The following KIF26B variants were observed in gnomAD, a reference collection of about 807,000 sequenced individuals.
KIF26B encodes the protein kinesin family member 26B, also known as kinesin-like protein KIF26B.
A neutral mutation model predicts 151.2 loss-of-function variants in KIF26B; 63 were observed. The ratio of observed to expected loss-of-function variants is 0.42; its 90% CI spans 0.34 to 0.51. The LOEUF is 0.51. KIF26B is among the 20% of genes least tolerant of loss of function. The probability of loss-of-function intolerance (pLI) is 0.07; values close to 1 mark genes in which losing one functional copy is unlikely to be tolerated. For synonymous variants in KIF26B, 1,357 were observed against 1,262.1 expected (o/e 1.08, Z -1.59); for missense variants, 2,813 against 2,913.6 (o/e 0.97, Z 0.79).
intron 3 of KIF26B, among the ~76,000 whole-genome samples, chr1:245,405,472 A>T (rs1022828192): frequency 3.3e-5 from 5 of 152,174 alleles, no homozygotes; most frequent in Admixed American, 3.3e-4. Flanking sequence ...TGCAACTAGG[A>T]TGCAGAGAGG....
chr1:245,331,186 G>A (rs753865313), intron 2 of KIF26B, among the ~76,000 whole-genome samples: 4 of 152,038 alleles, frequency 2.6e-5, no homozygotes, highest in African/African-American at 9.7e-5. Flanking sequence ...TTCTCATTCC[G>A]CGCGAGTGAC....
In KIF26B at chr1:245,253,393, G is replaced by T. The variant is rs1670478479; in HGVS notation, c.465+96710G>T. ...ATATTATTTGCATCAAAGATGCTTT[G>T]GTCATTATTATTATTTTAAAATATA... is the stretch of plus-strand genomic sequence containing the variant. On this transcript the variant is annotated intron_variant, in intron 2 of 14. Transcript: ENST00000407071. Among the ~76,000 whole-genome samples the T allele has an allele frequency of 3.9e-5, 6 of 151,998 alleles. No individual in the cohort carries two copies. The South Asian group carries it at 1.2e-3, about 32-fold the overall frequency.
chr1:245,254,101 C>T (rs950105031), intron 2 of KIF26B, among the ~76,000 whole-genome samples: 1 of 152,164 alleles, frequency 6.6e-6, no homozygotes, highest in South Asian at 2.1e-4. Context: ...TGAGCCACTG[C>T]ACCCAGCTGA....
intron 3 of KIF26B, among the ~76,000 whole-genome samples, chr1:245,374,385 A>C (rs1673223006): frequency 6.6e-6 from 1 of 151,684 alleles, no homozygotes; most frequent in Admixed American, 6.6e-5. Context: ...GTGTTCTAGT[A>C]TGGCTGATGT....
chr1:245,499,715 T>C (rs1200284529), intron 4 of KIF26B, among the ~76,000 whole-genome samples: 1 of 152,230 alleles, frequency 6.6e-6, no homozygotes, highest in African/African-American at 2.4e-5. Flanking sequence ...AGCTCAGTAG[T>C]GCGCATGGCA....
chr1:245,276,490 C>T (rs1013229813), intron 2 of KIF26B, among the ~76,000 whole-genome samples: 1 of 152,178 alleles, frequency 6.6e-6, no homozygotes, highest in African/African-American at 2.4e-5. Flanking sequence ...CTGATCTAAA[C>T]CATTTCCTTT....
At chr1:245,675,201 C>G (rs759988326) in intron 10 of KIF26B, among the ~76,000 whole-genome samples, 5 of 152,190 alleles carry the variant, frequency 3.3e-5, no homozygotes, top group Non-Finnish European at 2.9e-5. Flanking sequence ...TGATGGTACA[C>G]GTGGAGCACT....
chr1:245,476,527 T>TTTAC (rs140608728), intron 4 of KIF26B, among the ~76,000 whole-genome samples: 5 of 127,872 alleles, frequency 3.9e-5, no homozygotes, highest in African/African-American at 1.3e-4. Flanking sequence ...TATTTATTTA[T>TTTAC]TTACTTACTT....
intron 5 of KIF26B, among the ~76,000 whole-genome samples, chr1:245,552,890 G>A (rs10924238): frequency 0.33 from 49,795 of 151,954 alleles, 8,633 homozygotes; most frequent in Non-Finnish European, 0.38. Flanking sequence ...GTGAGCCACC[G>A]CACACAGCCT....
chr1:245,521,675 C>CT (rs1036013675), intron 4 of KIF26B, among the ~76,000 whole-genome samples: 1 of 152,122 alleles, frequency 6.6e-6, no homozygotes, highest in Non-Finnish European at 1.5e-5. Flanking sequence ...TGAGCCAGTT[C>CT]TGACCATCCA....
At chr1:245,551,144 C>T (rs1379175397) in intron 5 of KIF26B, among the ~76,000 whole-genome samples, 2 of 152,184 alleles carry the variant, frequency 1.3e-5, no homozygotes, top group Non-Finnish European at 2.9e-5. Context: ...TTCCTGAGCT[C>T]AGGGGATCCT....
intron 2 of KIF26B, among the ~76,000 whole-genome samples, chr1:245,281,781 A>G (rs1388136375): frequency 3.3e-5 from 5 of 152,054 alleles, no homozygotes; most frequent in Non-Finnish European, 7.4e-5. Context: ...TTGATTTTTT[A>G]TAAGGTGTAA....
rs1671788107 is a variant in KIF26B, at chr1:245,316,847, A to ACG, written c.466-49987_466-49986insCG. Among the ~76,000 whole-genome samples the ACG allele has an allele frequency of 5.3e-5, 8 of 151,514 alleles. No homozygotes were observed. The South Asian group carries it at 1.7e-3, about 32-fold the overall frequency. ...CCAGAACTAGTTCAAGGACCCTCAC[A>ACG]ATCACCTTCAAGGGACAAAAACCTG... is the stretch of plus-strand genomic sequence containing the variant. On this transcript the variant is annotated intron_variant, in intron 2 of 14. Transcript: ENST00000407071.
Position 245,609,419 on chromosome 1 carries a change from G to A in KIF26B, c.1805G>A (p.Gly602Glu), listed in dbSNP as rs774385350. 8.6e-5 allele frequency: 139 copies of A among 1,608,998 alleles called. No homozygotes were observed. The highest frequency in any genetic ancestry group is 1.2e-4 in the Non-Finnish European group (137 of 1,177,848). ...SVRVSAVEVW[G>E]KEENLRDLLS... Reference sequence around the variant, plus strand: ...CGGGTTTCCGCCGTGGAAGTGTGGGGGAAGGAGGAGAACCTGCGGGACCTG... The same window carrying A: ...CGGGTTTCCGCCGTGGAAGTGTGGGAGAAGGAGGAGAACCTGCGGGACCTG... The change falls in exon 8 of 15, where the codon GGG (glycine) becomes GAG (glutamate). Residue 602 changes from glycine to glutamate, a missense_variant. Physicochemically the swap from Gly to Glu is moderately conservative, Grantham distance 98 (BLOSUM62 -2). Around this residue, in one of 3 missense-constraint regions of KIF26B, gnomAD observed 77 missense variants for 136.9 expected, o/e 0.56. Transcript: ENST00000407071.
At chr1:245,159,858 T>C (rs1668504845) in intron 2 of KIF26B, among the ~76,000 whole-genome samples, 1 of 152,112 alleles carries the variant, frequency 6.6e-6, no homozygotes, top group Admixed American at 6.6e-5. Context: ...AGCACTCCAA[T>C]GGAGGATAGG....
At chr1:245,331,921 T>C (rs1426786400) in intron 2 of KIF26B, among the ~76,000 whole-genome samples, 1 of 151,668 alleles carries the variant, frequency 6.6e-6, no homozygotes, top group Non-Finnish European at 1.5e-5. Flanking sequence ...AGGTCAGGAG[T>C]TCGAGACTAG....
At chr1:245,544,860 C>A (rs1661703687) in intron 5 of KIF26B, among the ~76,000 whole-genome samples, 1 of 152,160 alleles carries the variant, frequency 6.6e-6, no homozygotes, top group Admixed American at 6.5e-5. Flanking sequence ...CTATCCCATC[C>A]CTTCCCTCCT....
chr1:245,277,121 C>G (rs936312921), intron 2 of KIF26B, among the ~76,000 whole-genome samples: 5 of 152,168 alleles, frequency 3.3e-5, no homozygotes, highest in Non-Finnish European at 7.3e-5. Flanking sequence ...AATGGATCCT[C>G]TCTTAGGCTC....
chr1:245,414,745 G>T (rs535496822), intron 3 of KIF26B, among the ~76,000 whole-genome samples: 5 of 152,148 alleles, frequency 3.3e-5, no homozygotes, highest in Admixed American at 6.5e-5. Flanking sequence ...ACAGACACAC[G>T]CTCTTATTTT....
Sources: gnomAD v4.1 joint callset for allele counts (sites outside exome capture counted in the v4.1 genomes callset) on GRCh38, gnomAD v4.1.1 for gene constraint, gnomAD v4.1.1 regional missense constraint, MANE v1.5 for transcripts, NCBI Gene and HGNC (gene_info 2026-07-23, HGNC 2026-07-21) for gene names.